The following EIF4E3 variants were observed in gnomAD, a reference collection of about 807,000 sequenced individuals.
The protein encoded by EIF4E3 is eukaryotic translation initiation factor 4E family member 3, also known as eukaryotic translation initiation factor 4E type 3.
A neutral mutation model predicts 31.7 loss-of-function variants in EIF4E3; 26 were observed. The ratio of observed to expected loss-of-function variants is 0.82; its 90% CI spans 0.60 to 1.14. EIF4E3 has a LOEUF of 1.14. EIF4E3 is among the 50% of genes most tolerant of loss of function. EIF4E3 has a pLI of 0.00. For synonymous variants in EIF4E3, 128 were observed against 107.7 expected (o/e 1.19, Z -1.17); for missense variants, 304 against 270.9 (o/e 1.12, Z -0.86).
the EIF4E3 span, among the ~76,000 whole-genome samples, chr3:71,667,992 G>A: frequency 1.3e-5 from 2 of 152,080 alleles, no homozygotes; most frequent in Non-Finnish European, 1.5e-5. Flanking sequence ...CATGCTACCT[G>A]GCTTCAAACT....
upstream of EIF4E3, chr3:71,725,446 CCGCCCCGCCCCGCG>C (rs1348302272): frequency 2.6e-5 from 22 of 860,800 alleles, no homozygotes; most frequent in African/African-American, 2.2e-4. The surrounding 1 kb of genome is among the most constrained non-coding windows in gnomAD (Gnocchi z 6.1). Context: ...GGCCCCCGCC[CCGCCCCGCCCCGCG>C]CGCCCCGCCC....
At chr3:71,712,635 T>TGGGGGGGGGGGGGG (rs760932981) in intron 1 of EIF4E3, among the ~76,000 whole-genome samples, 2 of 59,342 alleles carry the variant, frequency 3.4e-5, no homozygotes, top group African/African-American at 1.3e-4. Flanking sequence ...TTGCGGGGGG[T>TGGGGGGGGGGGGGG]GGGCGGGGGA....
intron 1 of EIF4E3, among the ~76,000 whole-genome samples, chr3:71,750,125 T>C (rs1476283174): frequency 6.6e-6 from 1 of 152,234 alleles, no homozygotes; most frequent in African/African-American, 2.4e-5. Context: ...TTATAAGGAA[T>C]TAATAATGTC....
rs199977333 is a variant in EIF4E3, at chr3:71,689,846, GT to G, written c.628+163del. On this transcript the variant is annotated intron_variant, in intron 6 of 6. Transcript: ENST00000425534. ...TACTTTAATTTCTGAGACTAAGCTT[GT>G]TTTTTTTAAAAAAAAAAAAAACTTA... Among the ~76,000 whole-genome samples the G allele has an allele frequency of 6.5e-5, 9 of 139,344 alleles. No individual in the cohort carries two copies. The East Asian group carries it at 2.2e-3, about 34-fold the overall frequency. 91.4% of individuals were successfully genotyped at this position (139,344 alleles called of 152,430 possible).
rs1578369560 is a variant in EIF4E3, at chr3:71,719,110, C to T, written c.176+6082G>A. 5.3e-5 allele frequency among the ~76,000 whole-genome samples: 8 copies of T among 152,324 alleles called. No individual in the cohort carries two copies. The South Asian group carries it at 1.7e-3, about 32-fold the overall frequency. ...CATTGGAATGTATTTTGAAGTACTG[C>T]ACCCTTTAGGGTGGGTCCCTGTAGA... is the stretch of plus-strand genomic sequence containing the variant. On this transcript the variant is annotated intron_variant, in intron 1 of 6. Coordinates refer to ENST00000425534, the MANE Select transcript of EIF4E3 (RefSeq NM_001134651.2).
chr3:71,696,641 G>T, intron 3 of EIF4E3, 121 bp from the exon 4 acceptor site: 2 of 1,121,642 alleles, frequency 1.8e-6, no homozygotes, highest in Admixed American at 2.5e-5. Context: ...CAAAATAGTT[G>T]GGCATTTTTC....
intron 1 of EIF4E3, among the ~76,000 whole-genome samples, chr3:71,717,077 T>G (rs2049476433): frequency 1.3e-5 from 2 of 152,230 alleles, no homozygotes; most frequent in Non-Finnish European, 2.9e-5. Flanking sequence ...AATCCATATG[T>G]ATGCCTAGAG....
In EIF4E3 at chr3:71,682,000, A is replaced by C. The variant is rs1014237492; in HGVS notation, c.*2682T>G. The C allele has an allele frequency of 6.6e-6, 1 of 152,206 alleles. No homozygotes were observed. Among genetic ancestry groups the C allele is most frequent in the African/African-American group, 2.4e-5 (1 of 41,464 alleles). 9.4% of individuals were successfully genotyped at this position (152,206 alleles called of 1,614,324 possible). A position where few individuals can be genotyped will look rare whatever the true frequency, so the allele number is the denominator to read the frequency against. On this transcript the variant is annotated 3_prime_UTR_variant, in exon 7 of 7. Coordinates refer to ENST00000425534, the MANE Select transcript of EIF4E3 (RefSeq NM_001134651.2). ...CACCCTCATTTAAGAAATGTGGAAA[A>C]GTTGGGGGGAAAGAGGAAATCTTAA...
chr3:71,670,061 G>A, the EIF4E3 span, among the ~76,000 whole-genome samples: 1 of 152,212 alleles, frequency 6.6e-6, no homozygotes, highest in Non-Finnish European at 1.5e-5. Context: ...CTTATCGTGT[G>A]AAGATAAGGA....
chr3:71,685,744 G>A (rs962901125), intron 6 of EIF4E3, among the ~76,000 whole-genome samples: 2 of 152,194 alleles, frequency 1.3e-5, no homozygotes, highest in Admixed American at 6.5e-5. Context: ...GATGCCACAG[G>A]GAGACCTACG....
chr3:71,704,923 T>C (rs1481965428), intron 2 of EIF4E3, among the ~76,000 whole-genome samples: 1 of 152,254 alleles, frequency 6.6e-6, no homozygotes, highest in Non-Finnish European at 1.5e-5. Flanking sequence ...TATTTCTTCA[T>C]AACTGGATTG....
chr3:71,667,415 G>C, the EIF4E3 span, among the ~76,000 whole-genome samples: 1 of 152,298 alleles, frequency 6.6e-6, no homozygotes, highest in African/African-American at 2.4e-5. Flanking sequence ...AATTAGGCAA[G>C]AGGAAGAAAT....
downstream of EIF4E3, among the ~76,000 whole-genome samples, chr3:71,671,376 C>G (rs939915212): frequency 6.6e-6 from 1 of 151,892 alleles, no homozygotes; most frequent in Non-Finnish European, 1.5e-5. Context: ...TTGGAGCACC[C>G]GTGTCGGAGA....
chr3:71,659,726 C>T, the EIF4E3 span, among the ~76,000 whole-genome samples: 2 of 152,210 alleles, frequency 1.3e-5, no homozygotes, highest in Non-Finnish European at 2.9e-5. Context: ...GTGGTCACAA[C>T]ACAGTTCCTA....
chr3:71,754,120 C>G, upstream of EIF4E3: 1 of 1,428,770 alleles, frequency 7.0e-7, no homozygotes, highest in South Asian at 1.3e-5. The surrounding 1 kb of genome is among the most constrained non-coding windows in gnomAD (Gnocchi z 5.8). Context: ...AAGCTGGCCA[C>G]GCTCAGCCTG....
At position 71,678,192 on chromosome 3, in the gene EIF4E3, G is replaced by C. The variant is rs1475454614; in HGVS notation, c.*6490C>G. 6.6e-6 allele frequency: 1 copy of C among 152,164 alleles called. No homozygotes were observed. The highest frequency in any genetic ancestry group is 1.5e-5 in the Non-Finnish European group (1 of 68,030). 9.4% of individuals were successfully genotyped at this position (152,164 alleles called of 1,614,324 possible). On this transcript the variant is annotated 3_prime_UTR_variant, in exon 7 of 7. Coordinates refer to ENST00000425534, the MANE Select transcript of EIF4E3 (RefSeq NM_001134651.2). The stretch of plus-strand genomic sequence containing the variant: ...AATCTAATAATGATTAAGTGATGTG[G>C]TTGATTAAACTGCATGAAATTTTTA...
chr3:71,690,637 C>T (rs2108021891), intron 5 of EIF4E3, among the ~76,000 whole-genome samples: 1 of 152,326 alleles, frequency 6.6e-6, no homozygotes, highest in South Asian at 2.1e-4. Flanking sequence ...TTGGAGTGGT[C>T]AGCGCTATCT....
chr3:71,729,991 C>CTT, upstream of EIF4E3, among the ~76,000 whole-genome samples: 2 of 151,968 alleles, frequency 1.3e-5, no homozygotes, highest in East Asian at 3.9e-4. Flanking sequence ...CTCCGTTTTC[C>CTT]TTTAACAGCA....
At chr3:71,724,489 T>G (rs942975423) in intron 1 of EIF4E3, among the ~76,000 whole-genome samples, 35 of 152,118 alleles carry the variant, frequency 2.3e-4, no homozygotes, top group African/African-American at 8.5e-4. Context: ...GATACGGTAG[T>G]CAGGGGGTCT....
Sources: gnomAD v4.1 joint callset for allele counts (sites outside exome capture counted in the v4.1 genomes callset) on GRCh38, gnomAD v4.1.1 for gene constraint, Gnocchi (gnomAD v3.1) non-coding constraint, MANE v1.5 for transcripts, NCBI Gene and HGNC (gene_info 2026-07-23, HGNC 2026-07-21) for gene names.